Variants in SASH1 observed in about 807,000 individuals in gnomAD.
SASH1 encodes the protein SAM and SH3 domain-containing protein 1.
Under a neutral mutation model 125.2 loss-of-function variants are expected in SASH1, and 44 were observed. The observed-to-expected ratio is 0.35, with a 90% CI of 0.28 to 0.45. SASH1 has a LOEUF of 0.45. Among genes scored for constraint, SASH1 ranks in the 20% least tolerant of loss-of-function variants. SASH1 has a pLI of 1.00. For missense variants in SASH1, 1,426 were observed against 1,614.5 expected (o/e 0.88, Z 2.00); for synonymous variants, 639 against 649.1 (o/e 0.98, Z 0.24).
chr6:148,508,766 G>T (rs1468277736), intron 8 of SASH1: 2 of 1,258,480 alleles, frequency 1.6e-6, no homozygotes, highest in Non-Finnish European at 2.1e-6. Flanking sequence ...TTAATTTTGA[G>T]ATTGCGGAGT....
chr6:148,352,081 A>G (rs1195159853), intron 1 of SASH1, among the ~76,000 whole-genome samples: 3 of 152,238 alleles, frequency 2.0e-5, no homozygotes, highest in Admixed American at 6.5e-5. Flanking sequence ...CAAACAAACA[A>G]AAGTTAATTG....
intron 8 of SASH1, chr6:148,508,369 T>G: frequency 1.8e-6 from 1 of 559,078 alleles, no homozygotes; most frequent in Non-Finnish European, 2.3e-6. Context: ...TTCAGTCACT[T>G]TTAAGGGTTA....
At chr6:148,513,856 T>C (rs1053746039) in intron 8 of SASH1, 1 of 986,124 alleles carries the variant, frequency 1.0e-6, no homozygotes, top group African/African-American at 1.7e-5. Context: ...CTGTTTTTGA[T>C]TTTCGGGGGA....
intron 1 of SASH1, among the ~76,000 whole-genome samples, chr6:148,307,268 G>A (rs1780170106): frequency 1.3e-5 from 2 of 151,838 alleles, no homozygotes; most frequent in Non-Finnish European, 2.9e-5. Flanking sequence ...ACAGGTGTGT[G>A]CCACCATGCC....
intron 16 of SASH1, among the ~76,000 whole-genome samples, chr6:148,536,541 T>C (rs1481766281): frequency 3.3e-5 from 5 of 152,198 alleles, no homozygotes; most frequent in African/African-American, 1.2e-4. Context: ...GGTTTCACCA[T>C]GATGGCCAAG....
At chr6:148,264,549 A>G in the SASH1 span, among the ~76,000 whole-genome samples, 1 of 152,136 alleles carries the variant, frequency 6.6e-6, no homozygotes, top group Non-Finnish European at 1.5e-5. Context: ...ACTCTTCACC[A>G]TTGCCCATGA....
intron 1 of SASH1, among the ~76,000 whole-genome samples, chr6:148,326,682 A>G (rs904851602): frequency 6.6e-6 from 1 of 151,902 alleles, no homozygotes; most frequent in African/African-American, 2.4e-5. Flanking sequence ...GATTACAGGC[A>G]TGAGCCACCT....
At chr6:148,336,254 C>T (rs181365523) in intron 1 of SASH1, among the ~76,000 whole-genome samples, 3 of 139,896 alleles carry the variant, frequency 2.1e-5, no homozygotes, top group Admixed American at 1.6e-4. Flanking sequence ...CGGCTCACTG[C>T]GAGCTCTACC....
intron 8 of SASH1, among the ~76,000 whole-genome samples, chr6:148,489,850 CTGTGTGTGTGTG>C (rs151183028): frequency 5.3e-4 from 73 of 136,594 alleles, no homozygotes; most frequent in Middle Eastern, 3.6e-3. Context: ...GCTATATAGG[CTGTGTGTGTGTG>C]TGTGTGTGTG....
chr6:148,298,771 A>G (rs1366894233), intron 1 of SASH1, among the ~76,000 whole-genome samples: 15 of 134,476 alleles, frequency 1.1e-4, no homozygotes, highest in Middle Eastern at 3.5e-3. Flanking sequence ...AGAGAAAGAA[A>G]AAAGAAAGAA....
chr6:148,397,217 G>A (rs1037423896), intron 2 of SASH1, among the ~76,000 whole-genome samples: 6 of 151,932 alleles, frequency 3.9e-5, no homozygotes, highest in Non-Finnish European at 5.9e-5. Context: ...ACGGTGGCTC[G>A]TGTCTGTAAT....
At chr6:148,270,379 A>T (rs375556932), upstream of SASH1, among the ~76,000 whole-genome samples, 2 of 59,540 alleles carry the variant, frequency 3.4e-5, no homozygotes, top group Non-Finnish European at 6.7e-5. Context: ...TTAATATTTT[A>T]AAATTTTTTT....
At chr6:148,222,118 C>T in the SASH1 span, among the ~76,000 whole-genome samples, 3 of 152,106 alleles carry the variant, frequency 2.0e-5, no homozygotes, top group African/African-American at 4.8e-5. Flanking sequence ...TGTGGGGCAC[C>T]TTTGCTTTTC....
intron 8 of SASH1, among the ~76,000 whole-genome samples, chr6:148,503,932 C>T (rs1779663975): frequency 6.6e-6 from 1 of 152,018 alleles, no homozygotes; most frequent in South Asian, 2.1e-4. Flanking sequence ...TTTGCATTCT[C>T]CAAATTTTTA....
intron 1 of SASH1, among the ~76,000 whole-genome samples, chr6:148,344,663 C>T (rs1781461556): frequency 6.6e-6 from 1 of 151,920 alleles, no homozygotes; most frequent in African/African-American, 2.4e-5. Flanking sequence ...TTTGTTTTTG[C>T]ATTTTCTGAA....
At chr6:148,212,848 A>G in the SASH1 span, among the ~76,000 whole-genome samples, 1 of 152,198 alleles carries the variant, frequency 6.6e-6, no homozygotes, top group Non-Finnish European at 1.5e-5. Flanking sequence ...CCCAGGTCCC[A>G]CAACCAGTGG....
At position 148,474,170 on chromosome 6, in the gene SASH1, T is replaced by C. The variant is rs753552639; in HGVS notation, c.575T>C (p.Leu192Pro). ...ATGAGCGATGAGGAGCGGATTCAGC[T>C]AATGATGATGGTCAAAGAAAAGATG... ...ITMSDEERIQLMMMVKEKMIT... is the reference protein window; with the variant it reads ...ITMSDEERIQPMMMVKEKMIT... The change falls in exon 7 of 20, where the codon CTA (leucine) becomes CCA (proline). Residue 192 changes from leucine to proline, a missense_variant. Transcript: ENST00000367467. 1 of 1,611,690 alleles carries C rather than the reference T, an allele frequency of 6.2e-7. No homozygotes were observed. Among genetic ancestry groups the C allele is most frequent in the Non-Finnish European group, 8.5e-7 (1 of 1,178,974 alleles).
At chr6:148,491,854 G>A (rs1287551798) in intron 8 of SASH1, among the ~76,000 whole-genome samples, 1 of 152,296 alleles carries the variant, frequency 6.6e-6, no homozygotes, top group East Asian at 1.9e-4. Flanking sequence ...AGCCAGCAGT[G>A]TGTCCCGGGA....
chr6:148,370,690 A>G (rs1782671907), intron 1 of SASH1, among the ~76,000 whole-genome samples: 1 of 151,814 alleles, frequency 6.6e-6, no homozygotes, highest in Non-Finnish European at 1.5e-5. Flanking sequence ...GGGCGTGGTG[A>G]CGGGCGCCTG....
Sources: allele counts gnomAD v4.1 joint callset (sites outside exome capture counted in the v4.1 genomes callset), GRCh38; gene constraint gnomAD v4.1.1; transcripts MANE v1.5; gene names NCBI Gene and HGNC (gene_info 2026-07-23, HGNC 2026-07-21).